PRDM10: variants seen among roughly 807,000 people sequenced by gnomAD.
PRDM10 encodes PR/SET domain 10.
Under a neutral mutation model 133.1 loss-of-function variants are expected in PRDM10, and 65 were observed. The ratio of observed to expected loss-of-function variants is 0.49; its 90% CI spans 0.40 to 0.60. The LOEUF is 0.60. PRDM10 is among the 20% of genes least tolerant of loss of function. PRDM10 has a pLI of 0.00. For missense variants in PRDM10, 1,137 were observed against 1,507.1 expected, an observed-to-expected ratio of 0.75 and a Z score of 4.07; for synonymous variants, 582 against 580.4, an observed-to-expected ratio of 1.00 and a Z score of -0.04.
Position 129,947,049 on chromosome 11 carries a change from C to T in PRDM10, c.520+96G>A, listed in dbSNP as rs1951437409. 1 of 1,516,390 alleles carries T rather than the reference C, an allele frequency of 6.6e-7. No homozygotes were observed. Among genetic ancestry groups the T allele is most frequent in the Admixed American group, 1.8e-5 (1 of 55,052 alleles). 93.9% of individuals were successfully genotyped at this position (1,516,390 alleles called of 1,614,324 possible). A position where few individuals can be genotyped will look rare whatever the true frequency, so the allele number is the denominator to read the frequency against. On this transcript the variant is annotated intron_variant, in intron 5 of 20. Transcript: ENST00000360871. The surrounding 1 kb of genome is among the most constrained non-coding windows in gnomAD (Gnocchi z 4.6). ...GCACAGTTGGCTGCACACGGAAGGA[C>T]CTGACGCACGGGAGCTATGTTCACA... is the stretch of plus-strand genomic sequence containing the variant.
intron 7 of PRDM10, among the ~76,000 whole-genome samples, chr11:129,942,191 C>T (rs927361874): frequency 7.2e-5 from 11 of 152,154 alleles, no homozygotes; most frequent in South Asian, 2.1e-4. Flanking sequence ...CCACCATGCC[C>T]GGCTTCACAT....
chr11:129,904,299 T>G (rs1466529260), intron 20 of PRDM10, among the ~76,000 whole-genome samples: 3 of 152,172 alleles, frequency 2.0e-5, no homozygotes, highest in Non-Finnish European at 4.4e-5. Context: ...TTTTCCTTTT[T>G]TTTCCTTCTA....
chr11:129,971,889 G>A (rs951344355), intron 1 of PRDM10, among the ~76,000 whole-genome samples: 2 of 152,216 alleles, frequency 1.3e-5, no homozygotes, highest in Admixed American at 6.5e-5. Flanking sequence ...AGGGGGCGGC[G>A]CTCGTCGGGG....
At chr11:129,916,057 T>C (rs1415679183) in intron 15 of PRDM10, among the ~76,000 whole-genome samples, 197 bp from the exon 16 acceptor site, 2 of 152,220 alleles carry the variant, frequency 1.3e-5, no homozygotes, top group Admixed American at 6.5e-5. Context: ...GAACATAATG[T>C]AGATATGATA....
At chr11:130,001,713 G>A (rs996337655) in intron 1 of PRDM10, among the ~76,000 whole-genome samples, 8 of 152,214 alleles carry the variant, frequency 5.3e-5, no homozygotes, top group Non-Finnish European at 1.0e-4. Context: ...ACTTAGTAGA[G>A]TATCAACACC....
In PRDM10 at chr11:129,905,545, G is replaced by A. The variant is rs1949987799; in HGVS notation, c.3267+93C>T. The A allele has an allele frequency of 5.2e-6, 5 of 968,690 alleles. No homozygotes were observed. In the South Asian group the frequency reaches 6.8e-5, roughly 13 times the overall value. The allele number at this position is 968,690 out of a possible 1,614,324, so 60.0% of individuals were successfully genotyped here. On this transcript the variant is annotated intron_variant, in intron 20 of 20. Coordinates refer to ENST00000360871, the MANE Select transcript of PRDM10 (RefSeq NM_199437.2). The stretch of plus-strand genomic sequence containing the variant: ...TCATCATCTACTGTGAGAAAACAGA[G>A]TAAGCCAATCATTACGAGATAAGTG...
chr11:129,951,565 G>A (rs562431249), intron 4 of PRDM10, among the ~76,000 whole-genome samples: 30 of 152,172 alleles, frequency 2.0e-4, no homozygotes, highest in Admixed American at 1.6e-3. Flanking sequence ...ATAAACTTAC[G>A]GTATACTTTC....
intron 1 of PRDM10, among the ~76,000 whole-genome samples, chr11:129,979,049 G>A (rs1176995250): frequency 6.6e-6 from 1 of 152,138 alleles, no homozygotes; most frequent in Non-Finnish European, 1.5e-5. Context: ...AGTTCAAAAG[G>A]AACCAACATT....
chr11:129,917,541 G>T (rs1950395885), intron 14 of PRDM10, among the ~76,000 whole-genome samples: 1 of 152,188 alleles, frequency 6.6e-6, no homozygotes, highest in African/African-American at 2.4e-5. Flanking sequence ...AATTACACTG[G>T]TATGAATTTC....
chr11:129,959,295 T>G (rs926794824), intron 2 of PRDM10, among the ~76,000 whole-genome samples: 1 of 152,232 alleles, frequency 6.6e-6, no homozygotes, highest in African/African-American at 2.4e-5. Context: ...GAAGATAAAG[T>G]TTGTCTATTG....
chr11:129,943,597 T>C (rs1342674161), intron 6 of PRDM10, among the ~76,000 whole-genome samples: 1 of 152,180 alleles, frequency 6.6e-6, no homozygotes, highest in Non-Finnish European at 1.5e-5. Flanking sequence ...AGGTGGCTCA[T>C]GCCTGTAATC....
chr11:129,961,498 T>C (rs1951795055), intron 1 of PRDM10, among the ~76,000 whole-genome samples: 1 of 151,904 alleles, frequency 6.6e-6, no homozygotes, highest in Admixed American at 6.5e-5. Context: ...TAGAGATGTG[T>C]TTTCACCATG....
chr11:129,973,486 A>T (rs1937618350), intron 1 of PRDM10, among the ~76,000 whole-genome samples: 1 of 152,218 alleles, frequency 6.6e-6, no homozygotes, highest in African/African-American at 2.4e-5. Context: ...ATTTGATGAC[A>T]TTTTGAATGT....
In PRDM10 at chr11:129,947,931, G is replaced by A. The variant is rs951599326; in HGVS notation, c.295-561C>T. Reference sequence around the variant, plus strand: ...CCATACCACACTGGAGGGGGTAAATGAGTTGACCTATCCTCAACCACTTGT... The same window carrying A: ...CCATACCACACTGGAGGGGGTAAATAAGTTGACCTATCCTCAACCACTTGT... On this transcript the variant is annotated intron_variant, in intron 4 of 20. Transcript: ENST00000360871. The surrounding 1 kb of genome is among the most constrained non-coding windows in gnomAD (Gnocchi z 4.6). 2.9e-5 allele frequency: 12 copies of A among 417,872 alleles called. No individual in the cohort carries two copies. Among genetic ancestry groups the A allele is most frequent in the African/African-American group, 2.3e-4 (11 of 48,748 alleles). The allele number at this position is 417,872 out of a possible 1,614,324, so 25.9% of individuals were successfully genotyped here.
intron 20 of PRDM10, among the ~76,000 whole-genome samples, chr11:129,904,877 A>G (rs1434549786): frequency 1.3e-5 from 2 of 152,260 alleles, no homozygotes; most frequent in African/African-American, 4.8e-5. Context: ...AAACCAGTGA[A>G]GATAAAAACA....
rs1385887452 is a variant in PRDM10 at position 129,917,288 on chromosome 11, C to T, written c.2215-51G>A. 6 of 1,366,586 alleles carry T rather than the reference C, an allele frequency of 4.4e-6. No homozygotes were observed. In the African/African-American group the frequency reaches 7.3e-5, roughly 17 times the overall value. The allele number at this position is 1,366,586 out of a possible 1,614,324, so 84.7% of individuals were successfully genotyped here. A position where few individuals can be genotyped will look rare whatever the true frequency, so the allele number is the denominator to read the frequency against. ...AGAAAAAGAGACCCCATTAACCAAA[C>T]AGAAGCTACACGAATGCCTCTGATA... On this transcript the variant is annotated intron_variant, in intron 14 of 20. Transcript: ENST00000360871.
chr11:129,991,069 T>C (rs1938717116), intron 1 of PRDM10, among the ~76,000 whole-genome samples: 1 of 152,184 alleles, frequency 6.6e-6, no homozygotes, highest in South Asian at 2.1e-4. Flanking sequence ...GGAAAAAGAA[T>C]GTGAAGGCAA....
intron 2 of PRDM10, 130 bp downstream of exon 2, chr11:129,960,766 G>T: frequency 1.1e-6 from 1 of 885,946 alleles, no homozygotes; most frequent in Admixed American, 2.2e-5. Flanking sequence ...CCTATTCCTT[G>T]TGTACGAGTT....
intron 11 of PRDM10, 62 bp downstream of exon 11, chr11:129,930,949 CCAGAG>C (rs1181261109): frequency 6.5e-7 from 1 of 1,535,856 alleles, no homozygotes; most frequent in African/African-American, 1.4e-5. Context: ...TAGAAAACCA[CCAGAG>C]AGCTGGTGGT....
Sources: allele counts gnomAD v4.1 joint callset (sites outside exome capture counted in the v4.1 genomes callset), GRCh38; gene constraint gnomAD v4.1.1; non-coding constraint Gnocchi (gnomAD v3.1); transcripts MANE v1.5; gene names NCBI Gene and HGNC (gene_info 2026-07-23, HGNC 2026-07-21).